Variants in CNTN4 observed in about 807,000 individuals in gnomAD.
The protein encoded by CNTN4 is contactin 4, also known as contactin-4.
In CNTN4, 77 loss-of-function variants were observed where a neutral mutation model predicts 122.5. That is an observed-to-expected ratio of 0.63 (90% CI 0.52 to 0.76). CNTN4 has a LOEUF of 0.76. Ranked by LOEUF, CNTN4 falls within the 30% of genes least tolerant of loss-of-function variation. The pLI, the probability that CNTN4 is intolerant of heterozygous loss-of-function variation, is 0.00. For synonymous variants in CNTN4, 512 were observed against 447.0 expected, an observed-to-expected ratio of 1.15 and a Z score of -1.83; for missense variants, 1,256 against 1,259.1, an observed-to-expected ratio of 1.00 and a Z score of 0.04.
intron 12 of CNTN4, among the ~76,000 whole-genome samples, chr3:2,904,782 T>C (rs1647297566): frequency 6.6e-6 from 1 of 152,174 alleles, no homozygotes. Context: ...TATCAGCTAG[T>C]TGGAAGAACA....
rs559661190 is a variant in CNTN4, at chr3:2,896,161, G to A, written c.941-4524G>A. ...ATCCCCAGACTGCATTTCCAAAGCC[G>A]TTCTTATAATACAAGATATCAGCCA... On this transcript the variant is annotated intron_variant, in intron 10 of 24. Transcript: ENST00000418658. Among the ~76,000 whole-genome samples the A allele has an allele frequency of 4.6e-5, 7 of 152,238 alleles. No individual in the cohort carries two copies. In the South Asian group the frequency reaches 1.2e-3, roughly 27 times the overall value.
intron 5 of CNTN4, among the ~76,000 whole-genome samples, chr3:2,741,111 G>A (rs1214284556): frequency 6.6e-6 from 1 of 152,168 alleles, no homozygotes; most frequent in Non-Finnish European, 1.5e-5. Context: ...ACTCTATTAA[G>A]CAGCTGCAAT....
At chr3:2,196,296 A>G (rs2037828897) in intron 2 of CNTN4, among the ~76,000 whole-genome samples, 3 of 152,114 alleles carry the variant, frequency 2.0e-5, no homozygotes, top group African/African-American at 7.2e-5. Context: ...GTTTGTTGAC[A>G]TGGCCAACTT....
At chr3:3,006,007 TC>T (rs1421608048) in intron 14 of CNTN4, among the ~76,000 whole-genome samples, 3 of 150,974 alleles carry the variant, frequency 2.0e-5, no homozygotes, top group Non-Finnish European at 3.0e-5. Context: ...TGCCTCAGCC[TC>T]CCAAGTAGCT....
intron 2 of CNTN4, among the ~76,000 whole-genome samples, chr3:2,193,228 A>G (rs1164360101): frequency 3.3e-5 from 5 of 151,984 alleles, no homozygotes; most frequent in African/African-American, 9.7e-5. Context: ...TTTTTGGAAA[A>G]TTCCCTCCAC....
chr3:2,172,552 T>TA (rs1195782959), intron 2 of CNTN4, among the ~76,000 whole-genome samples: 1 of 151,632 alleles, frequency 6.6e-6, no homozygotes, highest in Non-Finnish European at 1.5e-5. Context: ...ACGATTGAAA[T>TA]AAAAAACAAA....
At position 2,444,880 on chromosome 3, in the gene CNTN4, G is replaced by C. The variant is rs547335101; in HGVS notation, c.-89+105647G>C. ...TATCAGAGTTACACATATTGTTATT[G>C]GTATTGCATTTGTACCCCTTGACAA... is the stretch of plus-strand genomic sequence containing the variant. On this transcript the variant is annotated intron_variant, in intron 3 of 24. Transcript: ENST00000418658. Among the ~76,000 whole-genome samples the C allele has an allele frequency of 3.3e-5, 5 of 151,694 alleles. No homozygotes were observed. In the South Asian group the frequency reaches 1.0e-3, roughly 32 times the overall value.
At chr3:2,694,803 C>T (rs1415391446) in intron 4 of CNTN4, among the ~76,000 whole-genome samples, 1 of 152,126 alleles carries the variant, frequency 6.6e-6, no homozygotes, top group Non-Finnish European at 1.5e-5. Context: ...TGAGCTGTAG[C>T]ATTACAGTTC....
At chr3:2,711,027 T>A (rs1405600663) in intron 4 of CNTN4, among the ~76,000 whole-genome samples, 10 of 152,188 alleles carry the variant, frequency 6.6e-5, no homozygotes, top group African/African-American at 2.4e-4. Context: ...GGGAATTGGA[T>A]TCCAGTCAGG....
intron 3 of CNTN4, among the ~76,000 whole-genome samples, chr3:2,490,778 G>A (rs112665715): frequency 1.1e-4 from 17 of 152,160 alleles, no homozygotes; most frequent in East Asian, 5.8e-4. Context: ...TTCAAATCAC[G>A]CCCACCCTTT....
chr3:2,553,217 AC>A (rs1275576843), intron 3 of CNTN4, among the ~76,000 whole-genome samples: 5 of 152,180 alleles, frequency 3.3e-5, no homozygotes, highest in Admixed American at 6.5e-5. Context: ...GGAGATACTC[AC>A]ATTATTTCAG....
intron 15 of CNTN4, among the ~76,000 whole-genome samples, chr3:3,029,787 G>T (rs953381218): frequency 6.6e-6 from 1 of 152,080 alleles, no homozygotes; most frequent in Non-Finnish European, 1.5e-5. Flanking sequence ...AGGATAACAA[G>T]AATACCTGCC....
chr3:2,968,599 T>C (rs954638101), intron 13 of CNTN4, among the ~76,000 whole-genome samples: 4 of 152,182 alleles, frequency 2.6e-5, no homozygotes, highest in African/African-American at 7.2e-5. Context: ...GATCAGCCAC[T>C]AAAAGGGAAG....
At chr3:2,624,627 C>CTTTTTTT (rs1175851279) in intron 4 of CNTN4, among the ~76,000 whole-genome samples, 42 of 89,920 alleles carry the variant, frequency 4.7e-4, no homozygotes, top group Middle Eastern at 6.0e-3. Context: ...ATTTCTGATT[C>CTTTTTTT]TTTTTTTTTT....
intron 2 of CNTN4, among the ~76,000 whole-genome samples, chr3:2,225,765 A>G (rs1388032690): frequency 6.6e-6 from 1 of 152,100 alleles, no homozygotes; most frequent in East Asian, 1.9e-4. Context: ...CTTTGCCATC[A>G]GCTAGCTCAC....
At chr3:2,833,148 T>C (rs190105894) in intron 7 of CNTN4, among the ~76,000 whole-genome samples, 1 of 152,272 alleles carries the variant, frequency 6.6e-6, no homozygotes, top group East Asian at 1.9e-4. Flanking sequence ...AATGGATGCA[T>C]CTCCACTGTG....
intron 2 of CNTN4, among the ~76,000 whole-genome samples, chr3:2,221,470 C>G (rs1401270862): frequency 6.6e-6 from 1 of 150,830 alleles, no homozygotes; most frequent in African/African-American, 2.4e-5. Context: ...GGAGAAAAAT[C>G]TTTATGACGT....
intron 3 of CNTN4, among the ~76,000 whole-genome samples, chr3:2,450,996 A>AG (rs1247465711): frequency 1.3e-5 from 2 of 152,152 alleles, no homozygotes; most frequent in African/African-American, 4.8e-5. Context: ...GGAAGGGTGA[A>AG]GGGGGGCCAA....
intron 2 of CNTN4, among the ~76,000 whole-genome samples, chr3:2,215,105 CTTT>C (rs1329942993): frequency 6.6e-6 from 1 of 152,156 alleles, no homozygotes; most frequent in African/African-American, 2.4e-5. Flanking sequence ...TCTATCTCTT[CTTT>C]TCTGCCTCTT....
Sources: gnomAD v4.1 joint callset for allele counts (sites outside exome capture counted in the v4.1 genomes callset) on GRCh38, gnomAD v4.1.1 for gene constraint, MANE v1.5 for transcripts, NCBI Gene and HGNC (gene_info 2026-07-23, HGNC 2026-07-21) for gene names.